The following ROBO2 variants were observed in gnomAD, a reference collection of about 807,000 sequenced individuals.
The protein encoded by ROBO2 is roundabout guidance receptor 2, also known as roundabout homolog 2.
In ROBO2, 53 loss-of-function variants were observed where a neutral mutation model predicts 160.8. The ratio of observed to expected loss-of-function variants is 0.33; its 90% CI spans 0.26 to 0.41. The LOEUF is 0.41. Among genes scored for constraint, ROBO2 ranks in the 10% least tolerant of loss-of-function variants. ROBO2 has a pLI of 1.00. For synonymous variants in ROBO2, 664 were observed against 611.7 expected, an observed-to-expected ratio of 1.09 and a Z score of -1.26; for missense variants, 1,577 against 1,722.4, an observed-to-expected ratio of 0.92 and a Z score of 1.49.
At chr3:76,721,192 C>T (rs937059270) in intron 2 of ROBO2, among the ~76,000 whole-genome samples, 1 of 152,160 alleles carries the variant, frequency 6.6e-6, no homozygotes, top group Non-Finnish European at 1.5e-5. Flanking sequence ...TAAAATCTCT[C>T]AAGTATTTCA....
chr3:77,092,774 C>T (rs776535144), intron 1 of ROBO2, among the ~76,000 whole-genome samples: 4 of 149,994 alleles, frequency 2.7e-5, no homozygotes, highest in African/African-American at 4.9e-5. Context: ...TTTCATACAT[C>T]GCTTAGTATA....
At chr3:76,025,625 T>A (rs970956760) in intron 2 of ROBO2, among the ~76,000 whole-genome samples, 3 of 151,736 alleles carry the variant, frequency 2.0e-5, no homozygotes, top group African/African-American at 7.2e-5. Context: ...AGTAATACAT[T>A]TGTAAACTCT....
chr3:76,069,691 G>A (rs1007622103), intron 2 of ROBO2, among the ~76,000 whole-genome samples: 1 of 151,968 alleles, frequency 6.6e-6, no homozygotes, highest in Non-Finnish European at 1.5e-5. Context: ...TTCTTTCTGT[G>A]TGAGTTTTAA....
intron 2 of ROBO2, among the ~76,000 whole-genome samples, chr3:76,037,818 C>T (rs1355757611): frequency 1.3e-5 from 2 of 151,966 alleles, no homozygotes; most frequent in African/African-American, 4.8e-5. Flanking sequence ...TACCCTTGGA[C>T]AATGAATATG....
intron 2 of ROBO2, among the ~76,000 whole-genome samples, chr3:76,072,248 T>C (rs73842962): frequency 0.02 from 2,987 of 146,372 alleles, 36 homozygotes; most frequent in East Asian, 0.084. Flanking sequence ...CAAAAAAAAA[T>C]CTTTGTTGGT....
At chr3:77,618,686 A>G (rs1333155563) in intron 22 of ROBO2, among the ~76,000 whole-genome samples, 1 of 152,078 alleles carries the variant, frequency 6.6e-6, no homozygotes, top group Non-Finnish European at 1.5e-5. Context: ...TTAATGAAGT[A>G]TGTATTATTA....
At chr3:76,063,567 A>G (rs2107904663) in intron 2 of ROBO2, among the ~76,000 whole-genome samples, 1 of 151,296 alleles carries the variant, frequency 6.6e-6, no homozygotes, top group Admixed American at 6.6e-5. Context: ...GCTTGTCTTG[A>G]ACTCCTGGCC....
intron 2 of ROBO2, among the ~76,000 whole-genome samples, chr3:76,117,175 T>C (rs2070506896): frequency 6.6e-6 from 1 of 152,180 alleles, no homozygotes; most frequent in African/African-American, 2.4e-5. Flanking sequence ...GCTCCACAGG[T>C]AAGATGTGTT....
chr3:77,608,027 T>A, intron 21 of ROBO2, 73 bp downstream of exon 22: 1 of 1,458,748 alleles, frequency 6.9e-7, no homozygotes, highest in East Asian at 2.3e-5. Context: ...TTTGCCATCA[T>A]CTTATGTTCT....
chr3:76,634,341 G>T (rs1489999788), intron 2 of ROBO2, among the ~76,000 whole-genome samples: 1 of 152,144 alleles, frequency 6.6e-6, no homozygotes, highest in East Asian at 1.9e-4. Context: ...GCCGAGGCAG[G>T]CAGATCACTT....
intron 2 of ROBO2, among the ~76,000 whole-genome samples, chr3:77,473,659 T>C (rs1304313342): frequency 6.6e-6 from 1 of 151,844 alleles, no homozygotes; most frequent in East Asian, 1.9e-4. Flanking sequence ...GGTTTCACCG[T>C]GTTAGCCAGA....
At chr3:77,640,097 A>ATTTTTTTTTTTTTTTT (rs71104695) in intron 24 of ROBO2, among the ~76,000 whole-genome samples, 18 of 65,486 alleles carry the variant, frequency 2.7e-4, no homozygotes, top group East Asian at 1.0e-3. Flanking sequence ...CAGAGGAAGC[A>ATTTTTTTTTTTTTTTT]TTTTTTTTTT....
At chr3:77,064,962 T>C (rs1425392019) in intron 1 of ROBO2, among the ~76,000 whole-genome samples, 1 of 152,164 alleles carries the variant, frequency 6.6e-6, no homozygotes, top group Non-Finnish European at 1.5e-5. Flanking sequence ...AATGGGTTTT[T>C]GGAAACTGAT....
intron 2 of ROBO2, among the ~76,000 whole-genome samples, chr3:77,016,415 T>C (rs1385674569): frequency 6.6e-6 from 1 of 152,138 alleles, no homozygotes; most frequent in Non-Finnish European, 1.5e-5. Flanking sequence ...TGCTCCACTG[T>C]TCATTGCAAA....
chr3:76,358,563 T>A (rs10511043), intron 2 of ROBO2, among the ~76,000 whole-genome samples: 1 of 151,978 alleles, frequency 6.6e-6, no homozygotes, highest in Non-Finnish European at 1.5e-5. Context: ...TGTTAGGATA[T>A]TCACTAATTC....
At chr3:76,254,487 G>A (rs1243050678) in intron 2 of ROBO2, among the ~76,000 whole-genome samples, 1 of 152,042 alleles carries the variant, frequency 6.6e-6, no homozygotes, top group African/African-American at 2.4e-5. Context: ...TTAGGGAACT[G>A]CTTACATGGT....
intron 2 of ROBO2, among the ~76,000 whole-genome samples, chr3:75,953,221 G>A (rs1285413076): frequency 1.3e-5 from 2 of 151,872 alleles, no homozygotes; most frequent in Non-Finnish European, 2.9e-5. Context: ...GTACTATTCT[G>A]CATTCTCAAT....
chr3:76,767,742 T>C (rs1295855353), intron 2 of ROBO2, among the ~76,000 whole-genome samples: 1 of 151,538 alleles, frequency 6.6e-6, no homozygotes, highest in East Asian at 2.0e-4. Flanking sequence ...ACATATTGTA[T>C]AGTGAGTACA....
chr3:76,953,896 G>C (rs530215825), intron 2 of ROBO2, among the ~76,000 whole-genome samples: 1 of 152,166 alleles, frequency 6.6e-6, no homozygotes, highest in Non-Finnish European at 1.5e-5. Flanking sequence ...GGCATCCTCT[G>C]TTCCACCAGA....
Sources: gnomAD v4.1 joint callset for allele counts (sites outside exome capture counted in the v4.1 genomes callset) on GRCh38, gnomAD v4.1.1 for gene constraint, MANE v1.5 for transcripts, NCBI Gene and HGNC (gene_info 2026-07-23, HGNC 2026-07-21) for gene names.